The following CDH20 variants were observed in gnomAD, a reference collection of about 807,000 sequenced individuals.
CDH20 encodes cadherin 20.
In CDH20, 29 loss-of-function variants were observed where a neutral mutation model predicts 74.2. The ratio of observed to expected loss-of-function variants is 0.39; its 90% confidence interval spans 0.29 to 0.53. The LOEUF (loss-of-function observed/expected upper bound fraction) is 0.53, where lower values mean the gene tolerates loss of function less well. CDH20 is among the 20% of genes least tolerant of loss of function. CDH20 has a pLI of 0.69. For missense variants in CDH20, 988 were observed against 1,048.3 expected, an observed-to-expected ratio of 0.94 and a Z score of 0.79; for synonymous variants, 469 against 405.4, an observed-to-expected ratio of 1.16 and a Z score of -1.88.
chr18:61,383,933 G>T (rs1412298856), intron 1 of CDH20, among the ~76,000 whole-genome samples: 1 of 152,160 alleles, frequency 6.6e-6, no homozygotes, highest in African/African-American at 2.4e-5. Context: ...TAAGTGACCT[G>T]AAGATCCCAT....
intron 1 of CDH20, among the ~76,000 whole-genome samples, chr18:61,425,422 A>T (rs528738716): frequency 6.6e-6 from 1 of 152,332 alleles, no homozygotes; most frequent in African/African-American, 2.4e-5. Context: ...CTGAGGGGGC[A>T]GAGGCATGAG....
At chr18:61,335,596 A>G (rs574854679) in intron 1 of CDH20, among the ~76,000 whole-genome samples, 53 of 152,344 alleles carry the variant, frequency 3.5e-4, no homozygotes, top group Admixed American at 1.0e-3. Context: ...GGCTCTGGCC[A>G]TTGACTTTGG....
At chr18:61,383,467 G>C (rs1460694497) in intron 1 of CDH20, among the ~76,000 whole-genome samples, 1 of 152,140 alleles carries the variant, frequency 6.6e-6, no homozygotes, top group Non-Finnish European at 1.5e-5. Flanking sequence ...TGTAATCCCA[G>C]CTACTTGGTA....
At chr18:61,364,591 C>T (rs549274141) in intron 1 of CDH20, among the ~76,000 whole-genome samples, 2 of 152,272 alleles carry the variant, frequency 1.3e-5, no homozygotes, top group East Asian at 1.9e-4. Context: ...GGATTACAGG[C>T]GTGAGCCACT....
At chr18:61,493,228 C>T (rs1284245978) in intron 2 of CDH20, among the ~76,000 whole-genome samples, 1 of 152,078 alleles carries the variant, frequency 6.6e-6, no homozygotes, top group African/African-American at 2.4e-5. Context: ...TATTTCTGTG[C>T]CAGTTTCTCT....
At chr18:61,511,532 GAAAAAGAACTTTTGGGATTCTC>G (rs1442451067) in intron 6 of CDH20, among the ~76,000 whole-genome samples, 1 of 152,016 alleles carries the variant, frequency 6.6e-6, no homozygotes, top group African/African-American at 2.4e-5. Flanking sequence ...TAAGCAACCA[GAAAAAGAACTTTTGGGATTCTC>G]AATATTTAAA....
chr18:61,340,449 C>A (rs1909910770), intron 1 of CDH20, among the ~76,000 whole-genome samples: 1 of 152,002 alleles, frequency 6.6e-6, no homozygotes, highest in Non-Finnish European at 1.5e-5. Context: ...GAAAGAGGTA[C>A]AGGAAAGTTT....
intron 9 of CDH20, among the ~76,000 whole-genome samples, chr18:61,544,771 G>A (rs1176726787): frequency 6.6e-6 from 1 of 152,124 alleles, no homozygotes; most frequent in South Asian, 2.1e-4. Flanking sequence ...AGTGGTCTTG[G>A]AAAATGCAAC....
intron 1 of CDH20, among the ~76,000 whole-genome samples, chr18:61,481,113 A>G (rs921363946): frequency 6.6e-6 from 1 of 152,216 alleles, no homozygotes; most frequent in African/African-American, 2.4e-5. Flanking sequence ...AGTATGTGCC[A>G]AGTACTGCCC....
intron 1 of CDH20, among the ~76,000 whole-genome samples, chr18:61,418,972 T>C (rs1375666945): frequency 1.3e-5 from 2 of 152,242 alleles, no homozygotes; most frequent in Non-Finnish European, 2.9e-5. Context: ...CTTGCTGATC[T>C]CTATACATCA....
chr18:61,428,591 A>T (rs1913152593), intron 1 of CDH20, among the ~76,000 whole-genome samples: 1 of 152,102 alleles, frequency 6.6e-6, no homozygotes, highest in Non-Finnish European at 1.5e-5. Flanking sequence ...CTTGCATCTC[A>T]ATATCTCAGC....
chr18:61,429,500 G>A (rs1377704702), intron 1 of CDH20, among the ~76,000 whole-genome samples: 2 of 152,268 alleles, frequency 1.3e-5, no homozygotes, highest in East Asian at 3.9e-4. Flanking sequence ...TACAGAGCAA[G>A]CCAACTCAAC....
At chr18:61,551,943 TCCCA>T (rs1371689812) in intron 11 of CDH20, among the ~76,000 whole-genome samples, 2 of 152,152 alleles carry the variant, frequency 1.3e-5, no homozygotes, top group African/African-American at 4.8e-5. Flanking sequence ...TCTTATCCCT[TCCCA>T]CCCACGATGA....
chr18:61,344,829 G>GA (rs979594398), intron 1 of CDH20, among the ~76,000 whole-genome samples: 4 of 152,092 alleles, frequency 2.6e-5, no homozygotes, highest in African/African-American at 9.7e-5. Context: ...CACAAGTTCA[G>GA]AAAATTCCAA....
chr18:61,402,921 T>C (rs1295524674), intron 1 of CDH20, among the ~76,000 whole-genome samples: 1 of 152,220 alleles, frequency 6.6e-6, no homozygotes, highest in African/African-American at 2.4e-5. Context: ...TCTGCAGATT[T>C]ATGCAGCTTT....
intron 1 of CDH20, among the ~76,000 whole-genome samples, chr18:61,469,368 C>T (rs1185146019): frequency 2.2e-5 from 2 of 90,110 alleles, no homozygotes; most frequent in African/African-American, 9.5e-5. Context: ...AATGAATACA[C>T]ACACACACAC....
intron 1 of CDH20, among the ~76,000 whole-genome samples, chr18:61,337,358 T>C (rs748632634): frequency 1.3e-5 from 2 of 152,170 alleles, no homozygotes; most frequent in Non-Finnish European, 2.9e-5. Flanking sequence ...ATTACCTAAT[T>C]CTAGTATTAA....
At chr18:61,485,722 C>T (rs955174932) in intron 1 of CDH20, among the ~76,000 whole-genome samples, 2 of 152,106 alleles carry the variant, frequency 1.3e-5, no homozygotes, top group African/African-American at 4.8e-5. Flanking sequence ...CAGAATACAG[C>T]TCAATGTCAT....
chr18:61,383,940 C>A (rs989745716), intron 1 of CDH20, among the ~76,000 whole-genome samples: 1 of 152,044 alleles, frequency 6.6e-6, no homozygotes, highest in Non-Finnish European at 1.5e-5. Context: ...CCTGAAGATC[C>A]CATATATGAG....
Sources: allele counts gnomAD v4.1 joint callset (sites outside exome capture counted in the v4.1 genomes callset), GRCh38; gene constraint gnomAD v4.1.1; transcripts MANE v1.5; gene names NCBI Gene and HGNC (gene_info 2026-07-23, HGNC 2026-07-21).